Variants in SLC5A3 observed in about 807,000 individuals in gnomAD.
SLC5A3 encodes the protein solute carrier family 5 member 3, also known as sodium/myo-inositol cotransporter.
SLC5A3 carries 10 observed loss-of-function variants against 43.2 expected under a neutral mutation model. The ratio of observed to expected loss-of-function variants is 0.23; its 90% CI spans 0.14 to 0.39. The LOEUF (loss-of-function observed/expected upper bound fraction) is 0.39, where lower values mean the gene tolerates loss of function less well. SLC5A3 is among the 10% of genes least tolerant of loss of function. The pLI, the probability that SLC5A3 is intolerant of heterozygous loss-of-function variation, is 1.00. For synonymous variants in SLC5A3, 349 were observed against 322.0 expected (o/e 1.08, Z -0.90); for missense variants, 608 against 893.4 (o/e 0.68, Z 4.07).
chr21:34,079,738 T>C (rs1310865323), intron 1 of SLC5A3, among the ~76,000 whole-genome samples: 3 of 151,546 alleles, frequency 2.0e-5, no homozygotes, highest in African/African-American at 7.3e-5. Context: ...CCCTCTTCTC[T>C]TTATGTACAA....
chr21:34,086,098 C>A (rs1056577641), intron 1 of SLC5A3, among the ~76,000 whole-genome samples: 5 of 152,092 alleles, frequency 3.3e-5, no homozygotes. Context: ...AGCTTCTTAC[C>A]CCACTCTTTA....
At chr21:34,076,718 G>A (rs1989341346) in intron 1 of SLC5A3, among the ~76,000 whole-genome samples, 1 of 152,176 alleles carries the variant, frequency 6.6e-6, no homozygotes, top group African/African-American at 2.4e-5. Context: ...AAATATGACG[G>A]TAAAGTAATG....
chr21:34,079,549 TC>T (rs1296794108), intron 1 of SLC5A3, among the ~76,000 whole-genome samples: 7 of 151,234 alleles, frequency 4.6e-5, no homozygotes, highest in Admixed American at 4.6e-4. Flanking sequence ...GATTCTCATG[TC>T]TCAGCCTCCC....
chr21:34,105,321 A>G lies in SLC5A3; in HGVS notation c.*7966A>G. 2 of 999,804 alleles carry G rather than the reference A, an allele frequency of 2.0e-6. No individual in the cohort carries two copies. The highest frequency in any genetic ancestry group is 1.2e-6 in the Non-Finnish European group (1 of 829,696). The allele number at this position is 999,804 out of a possible 1,614,324, so 61.9% of individuals were successfully genotyped here. A position where few individuals can be genotyped will look rare whatever the true frequency, so the allele number is the denominator to read the frequency against. ...CTCAGTGCTTTCTTTTTTCTTTTTG[A>G]TAAGATGGATATCAAAAATAGTTGC... is the stretch of plus-strand genomic sequence containing the variant. On this transcript the variant is annotated 3_prime_UTR_variant, in exon 2 of 2. Coordinates refer to ENST00000381151, the MANE Select transcript of SLC5A3 (RefSeq NM_006933.7).
Position 34,097,485 on chromosome 21 carries a change from A to G in SLC5A3, c.*130A>G. On this transcript the variant is annotated 3_prime_UTR_variant, in exon 2 of 2. Transcript: ENST00000381151. ...TTTAGCCAAATTTTACTTAGCAGAA[A>G]ATCATCTAATTACAAGACTTTATTT... The G allele has an allele frequency of 2.1e-6, 3 of 1,440,794 alleles. No individual in the cohort carries two copies. The highest frequency in any genetic ancestry group is 2.7e-6 in the Non-Finnish European group (3 of 1,096,830). 89.3% of individuals were successfully genotyped at this position (1,440,794 alleles called of 1,614,324 possible).
chr21:34,095,032 C>G lies in SLC5A3; in HGVS notation c.-167C>G. On this transcript the variant is annotated 5_prime_UTR_variant, in exon 2 of 2. Coordinates refer to ENST00000381151, the MANE Select transcript of SLC5A3 (RefSeq NM_006933.7). ...CTGTCTTCTTCAAAGTTTATCACAACCACCACCATCAAGACAGCAAACCAA... is the reference window on the plus strand; with the variant it reads ...CTGTCTTCTTCAAAGTTTATCACAAGCACCACCATCAAGACAGCAAACCAA... 1 of 786,990 alleles carries G rather than the reference C, an allele frequency of 1.3e-6. No homozygotes were observed. Among genetic ancestry groups the G allele is most frequent in the Non-Finnish European group, 1.9e-6 (1 of 527,292 alleles). 48.8% of individuals were successfully genotyped at this position (786,990 alleles called of 1,614,324 possible). A position where few individuals can be genotyped will look rare whatever the true frequency, so the allele number is the denominator to read the frequency against.
Position 34,096,657 on chromosome 21 carries a change from C to T in SLC5A3, c.1459C>T (p.Leu487=), listed in dbSNP as rs1391325056. Residue 487 remains leucine, a synonymous_variant, in exon 2 of 2, where the codon CTG becomes TTG. Transcript: ENST00000381151. The surrounding 1 kb of genome is among the most constrained non-coding windows in gnomAD (Gnocchi z 5.9). ...TGTTCTTGGAGCAGTCCGTTTGATACTGGCCTTTGCCTACCGTGCCCCAGA... is the reference window on the plus strand; with the variant it reads ...TGTTCTTGGAGCAGTCCGTTTGATATTGGCCTTTGCCTACCGTGCCCCAGA... ...GFVLGAVRLI[L]AFAYRAPECD... is the part of the protein sequence containing the mutation. 2 of 1,614,168 alleles carry T rather than the reference C, an allele frequency of 1.2e-6. No individual in the cohort carries two copies. Among genetic ancestry groups the T allele is most frequent in the Non-Finnish European group, 1.7e-6 (2 of 1,180,008 alleles).
intron 1 of SLC5A3, among the ~76,000 whole-genome samples, chr21:34,092,048 A>G (rs972326644): frequency 6.6e-6 from 1 of 152,142 alleles, no homozygotes; most frequent in Admixed American, 6.5e-5. Flanking sequence ...GTGTATTCTT[A>G]TAAAAATAAG....
rs1979267191 is a variant in SLC5A3, at chr21:34,102,163, A to G, written c.*4808A>G. On this transcript the variant is annotated 3_prime_UTR_variant, in exon 2 of 2. Coordinates refer to ENST00000381151, the MANE Select transcript of SLC5A3 (RefSeq NM_006933.7). ...TTGTCAGACTGTCCTTTGTTGGAAT[A>G]CTTTAGCTGTTCAGCTACTTTGACT... 1 of 1,000,090 alleles carries G rather than the reference A, an allele frequency of 1.0e-6. No individual in the cohort carries two copies. The highest frequency in any genetic ancestry group is 1.7e-5 in the African/African-American group (1 of 57,360). 62.0% of individuals were successfully genotyped at this position (1,000,090 alleles called of 1,614,324 possible).
At position 34,102,542 on chromosome 21, in the gene SLC5A3, T is replaced by A; in HGVS notation, c.*5187T>A. 1 of 999,968 alleles carries A rather than the reference T, an allele frequency of 1.0e-6. No individual in the cohort carries two copies. The highest frequency in any genetic ancestry group is 1.2e-6 in the Non-Finnish European group (1 of 829,692). 61.9% of individuals were successfully genotyped at this position (999,968 alleles called of 1,614,324 possible). Reference sequence around the variant, plus strand: ...TTTGGTATATCTGTATCATTGCTAATCTTGTGCACTTTACTTTTTGGGCAG... The same window carrying A: ...TTTGGTATATCTGTATCATTGCTAAACTTGTGCACTTTACTTTTTGGGCAG... On this transcript the variant is annotated 3_prime_UTR_variant, in exon 2 of 2. Coordinates refer to ENST00000381151, the MANE Select transcript of SLC5A3 (RefSeq NM_006933.7).
Position 34,100,684 on chromosome 21 carries a change from C to T in SLC5A3, c.*3329C>T, listed in dbSNP as rs1403821714. 8.0e-6 allele frequency: 8 copies of T among 1,000,086 alleles called. No individual in the cohort carries two copies. In the African/African-American group the frequency reaches 1.0e-4, roughly 13 times the overall value. The allele number at this position is 1,000,086 out of a possible 1,614,324, so 62.0% of individuals were successfully genotyped here. A position where few individuals can be genotyped will look rare whatever the true frequency, so the allele number is the denominator to read the frequency against. ...GAACTGAGTTGAGGGGGTTGTTATG[C>T]ACTTCTGTAACTTGAGGCTAAGCAA... On this transcript the variant is annotated 3_prime_UTR_variant, in exon 2 of 2. Coordinates refer to ENST00000381151, the MANE Select transcript of SLC5A3 (RefSeq NM_006933.7).
At chr21:34,077,567 G>A (rs924734596) in intron 1 of SLC5A3, among the ~76,000 whole-genome samples, 8 of 152,064 alleles carry the variant, frequency 5.3e-5, no homozygotes, top group African/African-American at 1.7e-4. Context: ...CAATAAGATA[G>A]CATTTATATA....
chr21:34,081,646 C>T (rs1264017877), intron 1 of SLC5A3, among the ~76,000 whole-genome samples: 1 of 152,120 alleles, frequency 6.6e-6, no homozygotes, highest in Non-Finnish European at 1.5e-5. Flanking sequence ...TCTGGATCCT[C>T]AGTTCCTTCT....
At chr21:34,089,474 C>T (rs1978569445) in intron 1 of SLC5A3, among the ~76,000 whole-genome samples, 1 of 151,908 alleles carries the variant, frequency 6.6e-6, no homozygotes, top group Non-Finnish European at 1.5e-5. Context: ...TCTTATTTCT[C>T]TGAGATTTCT....
chr21:34,081,860 T>A (rs1237060664), intron 1 of SLC5A3, among the ~76,000 whole-genome samples: 1 of 152,206 alleles, frequency 6.6e-6, no homozygotes, highest in Non-Finnish European at 1.5e-5. Flanking sequence ...TATCTAAGTT[T>A]ATTTCATCAG....
chr21:34,086,020 G>A (rs1292200829), intron 1 of SLC5A3, among the ~76,000 whole-genome samples: 3 of 152,160 alleles, frequency 2.0e-5, no homozygotes, highest in Non-Finnish European at 4.4e-5. Context: ...AGTTCTGGTT[G>A]ACTCTGAATC....
At position 34,102,299 on chromosome 21, in the gene SLC5A3, C is replaced by T; in HGVS notation, c.*4944C>T. On this transcript the variant is annotated 3_prime_UTR_variant, in exon 2 of 2. Transcript: ENST00000381151. ...TATAAATGTTTTTATTTAAACTTCT[C>T]TCTCTTCAATGCTGAGAATAAGGCT... The T allele has an allele frequency of 4.0e-6, 4 of 998,976 alleles. No homozygotes were observed. The highest frequency in any genetic ancestry group is 4.8e-6 in the Non-Finnish European group (4 of 828,940). The allele number at this position is 998,976 out of a possible 1,614,324, so 61.9% of individuals were successfully genotyped here. A position where few individuals can be genotyped will look rare whatever the true frequency, so the allele number is the denominator to read the frequency against.
In SLC5A3 at chr21:34,105,012, C is replaced by CT. The variant is rs540790723; in HGVS notation, c.*7658dup. The CT allele has an allele frequency of 7.8e-4, 781 of 1,000,120 alleles. 3 individuals are homozygous for CT. In the African/African-American group the frequency reaches 0.012, roughly 16 times the overall value. The allele number at this position is 1,000,120 out of a possible 1,614,324, so 62.0% of individuals were successfully genotyped here. A position where few individuals can be genotyped will look rare whatever the true frequency, so the allele number is the denominator to read the frequency against. ...GTTTTCTAATTTCACTGTGAGATCT[C>CT]TAACTTTTGAGTGGCAAACAGATCA... On this transcript the variant is annotated 3_prime_UTR_variant, in exon 2 of 2. Coordinates refer to ENST00000381151, the MANE Select transcript of SLC5A3 (RefSeq NM_006933.7).
At chr21:34,075,389 AGT>A (rs1989303177) in intron 1 of SLC5A3, among the ~76,000 whole-genome samples, 1 of 152,222 alleles carries the variant, frequency 6.6e-6, no homozygotes, top group African/African-American at 2.4e-5. Flanking sequence ...GCAAGTATTA[AGT>A]GTATTTCTTT....
Sources: gnomAD v4.1 joint callset for allele counts (sites outside exome capture counted in the v4.1 genomes callset) on GRCh38, gnomAD v4.1.1 for gene constraint, Gnocchi (gnomAD v3.1) non-coding constraint, MANE v1.5 for transcripts, NCBI Gene and HGNC (gene_info 2026-07-23, HGNC 2026-07-21) for gene names.